The following AATF variants were observed in gnomAD, a reference collection of about 807,000 sequenced individuals.
AATF encodes the protein protein AATF.
AATF carries 48 observed loss-of-function variants against 63.7 expected under a neutral mutation model. The ratio of observed to expected loss-of-function variants is 0.75; its 90% confidence interval spans 0.60 to 0.96. The LOEUF is 0.96. AATF is among the 40% of genes least tolerant of loss of function. The pLI is 0.00. For synonymous variants in AATF, 258 were observed against 247.7 expected (o/e 1.04, Z -0.39); for missense variants, 639 against 685.7 (o/e 0.93, Z 0.76).
chr17:36,985,199 G>A (rs1030634639), intron 4 of AATF, among the ~76,000 whole-genome samples: 7 of 152,132 alleles, frequency 4.6e-5, no homozygotes, highest in African/African-American at 1.7e-4. Flanking sequence ...ACTGCACCTG[G>A]CCTCCAAAGT....
chr17:37,056,276 T>C (rs2071797123), intron 11 of AATF: 3 of 266,604 alleles, frequency 1.1e-5, no homozygotes, highest in Non-Finnish European at 2.1e-5. Flanking sequence ...ATCCTCCTCA[T>C]CGGATGGCGG....
intron 4 of AATF, among the ~76,000 whole-genome samples, chr17:36,979,907 G>C (rs1038212816): frequency 2.6e-5 from 4 of 152,108 alleles, no homozygotes; most frequent in Admixed American, 6.5e-5. Context: ...TTTATATATA[G>C]AATGCTTGCA....
intron 4 of AATF, among the ~76,000 whole-genome samples, chr17:36,978,605 C>T (rs982006717): frequency 1.2e-4 from 19 of 152,026 alleles, no homozygotes; most frequent in African/African-American, 4.6e-4. Context: ...TCACACTATT[C>T]CAGTTAAAAC....
chr17:37,040,563 A>C (rs773230355), intron 11 of AATF, among the ~76,000 whole-genome samples: 2 of 152,214 alleles, frequency 1.3e-5, no homozygotes, highest in Admixed American at 6.5e-5. Context: ...AACAGCAAGT[A>C]AGTAGTGGAA....
intron 10 of AATF, among the ~76,000 whole-genome samples, chr17:37,029,406 G>T (rs960250840): frequency 4.0e-5 from 6 of 151,870 alleles, no homozygotes; most frequent in African/African-American, 1.5e-4. Context: ...ACCACGCCCG[G>T]CTAATTTTTG....
intron 11 of AATF, 48 bp downstream of exon 11, chr17:37,031,733 G>A (rs778482142): frequency 2.8e-6 from 4 of 1,428,400 alleles, no homozygotes; most frequent in East Asian, 2.3e-5. Context: ...ATGACAGCCT[G>A]ATATTGACCT....
intron 8 of AATF, among the ~76,000 whole-genome samples, chr17:37,009,740 C>G: frequency 6.9e-6 from 1 of 144,028 alleles, no homozygotes; most frequent in East Asian, 2.1e-4. Flanking sequence ...TGGCGTGAAT[C>G]CGGGAAGCGG....
chr17:37,027,709 T>C (rs961270796), intron 10 of AATF, among the ~76,000 whole-genome samples: 23 of 152,232 alleles, frequency 1.5e-4, no homozygotes, highest in Non-Finnish European at 2.5e-4. Flanking sequence ...ATATGTATTT[T>C]TTTTGTCCCA....
chr17:36,975,868 T>A (rs533992110), intron 4 of AATF, among the ~76,000 whole-genome samples: 3 of 152,344 alleles, frequency 2.0e-5, no homozygotes, highest in African/African-American at 4.8e-5. Flanking sequence ...CTTTAAAAAA[T>A]TATTTTTATT....
At chr17:37,050,290 C>T (rs1266496927) in intron 11 of AATF, among the ~76,000 whole-genome samples, 2 of 152,190 alleles carry the variant, frequency 1.3e-5, no homozygotes. Context: ...TATTCACCTT[C>T]CCGATCTAGC....
chr17:37,004,286 G>A (rs752169490), intron 8 of AATF, among the ~76,000 whole-genome samples: 50 of 152,048 alleles, frequency 3.3e-4, no homozygotes, highest in Middle Eastern at 3.2e-3. Flanking sequence ...AGCTGAGATC[G>A]CACCATTGCA....
At chr17:36,978,535 A>G (rs1407028582) in intron 4 of AATF, among the ~76,000 whole-genome samples, 3 of 152,192 alleles carry the variant, frequency 2.0e-5, no homozygotes, top group East Asian at 1.9e-4. Context: ...ATTTTGTACC[A>G]TAAAAAAAAA....
chr17:36,984,071 A>G (rs1304833255), intron 4 of AATF, among the ~76,000 whole-genome samples: 2 of 152,250 alleles, frequency 1.3e-5, no homozygotes, highest in Non-Finnish European at 2.9e-5. Flanking sequence ...CTCATGCTGG[A>G]CAGGGTAGAA....
At chr17:36,971,186 G>A (rs1307759240) in intron 4 of AATF, among the ~76,000 whole-genome samples, 1 of 152,020 alleles carries the variant, frequency 6.6e-6, no homozygotes, top group Non-Finnish European at 1.5e-5. Flanking sequence ...TTAACAATCA[G>A]CTTGTGTCCA....
intron 4 of AATF, among the ~76,000 whole-genome samples, chr17:36,957,309 C>G (rs1013054128): frequency 6.6e-6 from 1 of 152,198 alleles, no homozygotes; most frequent in African/African-American, 2.4e-5. Context: ...AGCACAGTGT[C>G]TGGCACACAT....
chr17:37,029,042 T>C (rs113876842), intron 10 of AATF, among the ~76,000 whole-genome samples: 1,939 of 152,160 alleles, frequency 0.013, 12 homozygotes, highest in Non-Finnish European at 0.019. Flanking sequence ...TTTTTGTTTG[T>C]TTGTTTTTTA....
rs17139107 is a variant in AATF at position 37,019,052 on chromosome 17, C to T, written c.1446C>T (p.Asn482=). 8.0e-3 allele frequency: 12,886 copies of T among 1,613,972 alleles called. 512 individuals are homozygous for T. The African/African-American group carries it at 0.098, about 12-fold the overall frequency. Reference sequence around the variant, plus strand: ...GGAAGACCAGCTCCTTGGATCCCAACGATCAGGTGGCCATGGGAAGGTAAT... The same window carrying T: ...GGAAGACCAGCTCCTTGGATCCCAATGATCAGGTGGCCATGGGAAGGTAAT... The part of the protein sequence containing the change: ...IERKTSSLDP[N]DQVAMGRQWL... The change falls in exon 9 of 12, where the codon AAC becomes AAT. Residue 482 remains asparagine (N), a synonymous_variant. Coordinates refer to ENST00000619387, the MANE Select transcript of AATF (RefSeq NM_012138.4).
chr17:36,979,784 G>T (rs948344553), intron 4 of AATF, among the ~76,000 whole-genome samples: 2 of 152,244 alleles, frequency 1.3e-5, no homozygotes, highest in East Asian at 1.9e-4. Context: ...TGAACTGTGT[G>T]TCCATGCCCA....
In AATF at chr17:36,963,376, C is replaced by T. The variant is rs17139128; in HGVS notation, c.832+9469C>T. Among the ~76,000 whole-genome samples, 691 of 152,242 alleles carry T rather than the reference C, an allele frequency of 4.5e-3. 1 individual carries two copies. Among genetic ancestry groups the T allele is most frequent in the African/African-American group, 0.016 (651 of 41,534 alleles). ...AATTGAATCATCTGTGTTTAATTGA[C>T]AAAGTGCTGTATGGGCTAATGTTAG... On this transcript the variant is annotated intron_variant, in intron 4 of 11. Coordinates refer to ENST00000619387, the MANE Select transcript of AATF (RefSeq NM_012138.4).
Sources: gnomAD v4.1 joint callset for allele counts (sites outside exome capture counted in the v4.1 genomes callset) on GRCh38, gnomAD v4.1.1 for gene constraint, MANE v1.5 for transcripts, NCBI Gene and HGNC (gene_info 2026-07-23, HGNC 2026-07-21) for gene names.